CTBP1: variants seen among roughly 807,000 people sequenced by gnomAD.
The protein encoded by CTBP1 is C-terminal-binding protein 1.
Under a neutral mutation model 42.1 loss-of-function variants are expected in CTBP1, and 11 were observed. The ratio of observed to expected loss-of-function variants is 0.26; its 90% CI spans 0.16 to 0.43. The LOEUF is 0.43. Among genes scored for constraint, CTBP1 ranks in the 20% least tolerant of loss-of-function variants. The pLI, the probability that CTBP1 is intolerant of heterozygous loss-of-function variation, is 1.00. For synonymous variants in CTBP1, 324 were observed against 277.1 expected, an observed-to-expected ratio of 1.17 and a Z score of -1.68; for missense variants, 399 against 624.3, an observed-to-expected ratio of 0.64 and a Z score of 3.85.
At chr4:1,221,279 TAC>T (rs1450197983) in intron 5 of CTBP1, among the ~76,000 whole-genome samples, 1 of 152,324 alleles carries the variant, frequency 6.6e-6, no homozygotes, top group South Asian at 2.1e-4. Flanking sequence ...GGGCTAGAAT[TAC>T]ACAGAGTGCT....
At chr4:1,220,954 G>A (rs921477269) in intron 5 of CTBP1, among the ~76,000 whole-genome samples, 6 of 152,226 alleles carry the variant, frequency 3.9e-5, no homozygotes, top group East Asian at 1.9e-4. Context: ...CCTAAAAAAC[G>A]GGTGATACGC....
At chr4:1,248,806 C>G (rs1362349542) in intron 1 of CTBP1, 110 bp downstream of exon 1, 3 of 935,066 alleles carry the variant, frequency 3.2e-6, no homozygotes, top group African/African-American at 3.6e-5. Flanking sequence ...CACACAAAGC[C>G]GGCGGCCCGC....
intron 1 of CTBP1, chr4:1,242,340 G>A: frequency 1.0e-6 from 1 of 985,372 alleles, no homozygotes; most frequent in Non-Finnish European, 1.2e-6. Flanking sequence ...ACCCCAACGT[G>A]CAGCTGACAT....
intron 1 of CTBP1, 167 bp downstream of exon 1, chr4:1,248,749 G>GC (rs1258683885): frequency 1.6e-5 from 16 of 978,072 alleles, no homozygotes; most frequent in East Asian, 1.2e-4. Context: ...CCGCGGTCCC[G>GC]CCCCCGACCG....
chr4:1,239,591 A>G (rs1731944407), intron 2 of CTBP1, among the ~76,000 whole-genome samples: 2 of 152,188 alleles, frequency 1.3e-5, no homozygotes, highest in African/African-American at 4.8e-5. Flanking sequence ...CCTGGAACCC[A>G]TGGCAGAGAA....
rs114993603 is a variant in CTBP1, at chr4:1,224,915, G to A, written c.514+445C>T. Among the ~76,000 whole-genome samples, 926 of 151,900 alleles carry A rather than the reference G, an allele frequency of 6.1e-3. 11 individuals carry two copies. Among genetic ancestry groups the A allele is most frequent in the African/African-American group, 0.02 (817 of 41,402 alleles). On this transcript the variant is annotated intron_variant, in intron 5 of 9. Transcript: ENST00000382952. ...TATGTGTACTGTGACATCGGTGTGT[G>A]ATGTCTGTGTGTGCCATGATGTCTG...
At chr4:1,244,044 G>A in intron 1 of CTBP1, 1 of 985,446 alleles carries the variant, frequency 1.0e-6, no homozygotes, top group Non-Finnish European at 1.2e-6. Flanking sequence ...GTAAATGGGG[G>A]TGAGGTGAGG....
intron 5 of CTBP1, chr4:1,216,633 C>T: frequency 4.0e-6 from 1 of 252,140 alleles, no homozygotes; most frequent in South Asian, 5.3e-5. Flanking sequence ...ATTCCAGCCA[C>T]CACTACGTGG....
chr4:1,212,938 G>A lies in CTBP1; in HGVS notation c.1081C>T (p.Pro361Ser). 6.2e-7 allele frequency: 1 copy of A among 1,613,788 alleles called. No homozygotes were observed. Among genetic ancestry groups the A allele is most frequent in the Non-Finnish European group, 8.5e-7 (1 of 1,179,978 alleles). ...CTATAGGCAGCCCCATTGAGCTCAG[G>A]GTGCACGACGGCGGGGTCCATGCTG... is the stretch of plus-strand genomic sequence containing the variant. ...WASMDPAVVH[P>S]ELNGAAYRYP... Residue 361 changes from proline (P) to serine (S), a missense_variant, in exon 9 of 10, where the codon CCT (proline) becomes TCT (serine). By Grantham distance (74) the Pro-to-Ser change is moderately conservative. Coordinates refer to ENST00000382952, the MANE Select transcript of CTBP1 (RefSeq NM_001012614.2).
rs552662031 is a variant in CTBP1 at position 1,214,557 on chromosome 4, G to T, written c.730-84C>A. On this transcript the variant is annotated intron_variant, in intron 6 of 9. Transcript: ENST00000382952. ...GGGAAGCAAGGTGGTCACGCACGCC[G>T]TTGGGAAGGCCCAGCTCCCTAGCCC... 3 of 1,465,134 alleles carry T rather than the reference G, an allele frequency of 2.0e-6. No homozygotes were observed. The African/African-American group carries it at 4.4e-5, about 22-fold the overall frequency. The allele number at this position is 1,465,134 out of a possible 1,614,324, so 90.8% of individuals were successfully genotyped here.
rs1431771971 is a variant in CTBP1, at chr4:1,213,767, C to T, written c.861-162G>A. The T allele has an allele frequency of 1.4e-5, 13 of 898,792 alleles. No homozygotes were observed. The East Asian group carries it at 3.7e-4, about 25-fold the overall frequency. The allele number at this position is 898,792 out of a possible 1,614,324, so 55.7% of individuals were successfully genotyped here. On this transcript the variant is annotated intron_variant, in intron 7 of 9. Transcript: ENST00000382952. ...AGGCTGGCTGAGCTCAAGAGCACAG[C>T]CCCGGGACCATCAGACACACCAGGG...
chr4:1,212,449 G>C (rs1728638649), intron 9 of CTBP1, 26 bp from the exon 10 acceptor site: 1 of 1,415,746 alleles, frequency 7.1e-7, no homozygotes, highest in African/African-American at 1.5e-5. Flanking sequence ...CCATCCGTGA[G>C]GCCCACCTGT....
chr4:1,242,774 C>G (rs1564509), intron 1 of CTBP1: 440,998 of 985,170 alleles, frequency 0.45, 99,788 homozygotes, highest in South Asian at 0.46. Context: ...GCCAGATCTC[C>G]CCATGGTACC....
At position 1,238,939 on chromosome 4, in the gene CTBP1, C is replaced by T. The variant is rs1311450403; in HGVS notation, c.8-602G>A. Among the ~76,000 whole-genome samples the T allele has an allele frequency of 6.6e-6, 1 of 152,186 alleles. No homozygotes were observed. The highest frequency in any genetic ancestry group is 2.4e-5 in the African/African-American group (1 of 41,456). On this transcript the variant is annotated intron_variant, in intron 2 of 9. Coordinates refer to ENST00000382952, the MANE Select transcript of CTBP1 (RefSeq NM_001012614.2). This position sits in a 1 kb window ranked among gnomAD's most constrained non-coding sequence, Gnocchi z 5.9. Reference sequence around the variant, plus strand: ...TGGGAACATGGTTGTCCCTTTCCTGCCTGGGCTACCGCGTGGCTGCCCGGA... The same window carrying T: ...TGGGAACATGGTTGTCCCTTTCCTGTCTGGGCTACCGCGTGGCTGCCCGGA...
chr4:1,238,363 C>T lies in CTBP1; in HGVS notation c.8-26G>A. On this transcript the variant is annotated intron_variant, in intron 2 of 9. Transcript: ENST00000382952. This position sits in a 1 kb window ranked among gnomAD's most constrained non-coding sequence, Gnocchi z 5.9. Reference sequence around the variant, plus strand: ...CTGCAAGACAGAGGCAAGTGCTCAGCCTTGCACCACTGCGGCCCCGTGGCT... The same window carrying T: ...CTGCAAGACAGAGGCAAGTGCTCAGTCTTGCACCACTGCGGCCCCGTGGCT... 2 of 1,528,916 alleles carry T rather than the reference C, an allele frequency of 1.3e-6. No individual in the cohort carries two copies. Among genetic ancestry groups the T allele is most frequent in the Middle Eastern group, 1.8e-4 (1 of 5,656 alleles). The allele number at this position is 1,528,916 out of a possible 1,614,324, so 94.7% of individuals were successfully genotyped here. A position where few individuals can be genotyped will look rare whatever the true frequency, so the allele number is the denominator to read the frequency against.
intron 5 of CTBP1, chr4:1,218,739 G>T (rs1729420204): frequency 6.6e-6 from 1 of 152,202 alleles, no homozygotes; most frequent in African/African-American, 2.4e-5. Context: ...GGGTGGCAGT[G>T]AGTTATGAAG....
intron 1 of CTBP1, chr4:1,241,987 A>G (rs572111317): frequency 1.0e-4 from 102 of 1,004,398 alleles, no homozygotes; most frequent in Middle Eastern, 5.1e-4. Context: ...ACTTCCCAGG[A>G]GCCACCGGGA....
At chr4:1,226,337 C>T (rs943570880) in intron 4 of CTBP1, among the ~76,000 whole-genome samples, 2 of 152,140 alleles carry the variant, frequency 1.3e-5, no homozygotes, top group Non-Finnish European at 2.9e-5. Flanking sequence ...ACTGGCCATC[C>T]GTCTCCCTGG....
intron 5 of CTBP1, 144 bp downstream of exon 5, chr4:1,225,216 T>C: frequency 1.0e-6 from 1 of 956,640 alleles, no homozygotes; most frequent in South Asian, 1.7e-5. Context: ...CCCTGGTGCC[T>C]GTGCGCACTC....
Sources: gnomAD v4.1 joint callset for allele counts (sites outside exome capture counted in the v4.1 genomes callset) on GRCh38, gnomAD v4.1.1 for gene constraint, Gnocchi (gnomAD v3.1) non-coding constraint, MANE v1.5 for transcripts, NCBI Gene and HGNC (gene_info 2026-07-23, HGNC 2026-07-21) for gene names.